The following CTIF variants were observed in gnomAD, a reference collection of about 807,000 sequenced individuals.
CTIF encodes the protein cap binding complex dependent translation initiation factor.
A neutral mutation model predicts 66.0 loss-of-function variants in CTIF; 21 were observed. The observed-to-expected ratio is 0.32, with a 90% CI of 0.23 to 0.46. The LOEUF is 0.46. Ranked by LOEUF, CTIF falls within the 20% of genes least tolerant of loss-of-function variation. CTIF has a pLI of 1.00. For missense variants in CTIF, 739 were observed against 812.7 expected (o/e 0.91, Z 1.10); for synonymous variants, 345 against 326.4 (o/e 1.06, Z -0.62).
At chr18:48,750,662 T>TGGCC (rs1329798038) in intron 7 of CTIF, among the ~76,000 whole-genome samples, 1 of 152,204 alleles carries the variant, frequency 6.6e-6, no homozygotes, top group Non-Finnish European at 1.5e-5. Flanking sequence ...CAAGGCTGGC[T>TGGCC]GGCCGGATCT....
intron 7 of CTIF, among the ~76,000 whole-genome samples, chr18:48,720,986 C>T (rs545508635): frequency 8.5e-5 from 13 of 152,304 alleles, no homozygotes; most frequent in South Asian, 2.1e-4. Flanking sequence ...CACATCCACG[C>T]GGGGGACAAA....
intron 5 of CTIF, among the ~76,000 whole-genome samples, chr18:48,666,225 G>A (rs2091433203): frequency 6.6e-6 from 1 of 152,018 alleles, no homozygotes; most frequent in Admixed American, 6.5e-5. Context: ...TTTCACTTCA[G>A]GTCTAAGTAT....
intron 1 of CTIF, among the ~76,000 whole-genome samples, chr18:48,605,399 C>T (rs1598729377): frequency 6.6e-6 from 1 of 152,306 alleles, no homozygotes; most frequent in South Asian, 2.1e-4. Flanking sequence ...TATATCCCCT[C>T]CTTCTCCATG....
chr18:48,560,836 G>T (rs2089142184), intron 1 of CTIF, among the ~76,000 whole-genome samples: 1 of 152,220 alleles, frequency 6.6e-6, no homozygotes, highest in South Asian at 2.1e-4. Flanking sequence ...GCCTCCCAAA[G>T]TGCTGGGATT....
intron 1 of CTIF, among the ~76,000 whole-genome samples, chr18:48,608,074 C>T (rs1024374073): frequency 6.6e-6 from 1 of 152,098 alleles, no homozygotes; most frequent in South Asian, 2.1e-4. Flanking sequence ...AGGGGACTTT[C>T]GAACTCGGAT....
chr18:48,835,605 A>G (rs2068791384), intron 10 of CTIF, among the ~76,000 whole-genome samples: 1 of 152,216 alleles, frequency 6.6e-6, no homozygotes, highest in Non-Finnish European at 1.5e-5. Context: ...AGCACAGTGC[A>G]GAAGGGAGCC....
intron 1 of CTIF, among the ~76,000 whole-genome samples, chr18:48,548,587 G>T (rs1202707964): frequency 6.6e-6 from 1 of 152,234 alleles, no homozygotes; most frequent in Non-Finnish European, 1.5e-5. Context: ...CAGCAAGGTT[G>T]CATCAGATGG....
chr18:48,799,571 G>C (rs1056309350), intron 9 of CTIF, among the ~76,000 whole-genome samples: 2 of 152,008 alleles, frequency 1.3e-5, no homozygotes, highest in African/African-American at 4.8e-5. Flanking sequence ...TCCCATCCTA[G>C]ATGCCACCCT....
intron 7 of CTIF, among the ~76,000 whole-genome samples, chr18:48,744,380 C>T (rs980519823): frequency 2.0e-5 from 3 of 152,282 alleles, no homozygotes; most frequent in East Asian, 3.9e-4. Context: ...CATTTCTTCT[C>T]GAATGGCCTC....
At chr18:48,857,499 C>G in intron 10 of CTIF, 89 bp from the exon 11 acceptor site, 1 of 1,177,162 alleles carries the variant, frequency 8.5e-7, no homozygotes, top group Non-Finnish European at 1.2e-6. Context: ...AGGGCTGGGG[C>G]TGCAGGTCGG....
At chr18:48,822,545 T>C (rs912102781) in intron 10 of CTIF, among the ~76,000 whole-genome samples, 1 of 131,522 alleles carries the variant, frequency 7.6e-6, no homozygotes, top group Non-Finnish European at 1.6e-5. Context: ...CACACATTGT[T>C]TTATCCATTT....
intron 1 of CTIF, among the ~76,000 whole-genome samples, chr18:48,616,185 G>A (rs1260840784): frequency 2.0e-5 from 3 of 152,244 alleles, no homozygotes; most frequent in African/African-American, 7.2e-5. Context: ...GGTGTGCCAG[G>A]GAGCCCTTGA....
intron 3 of CTIF, among the ~76,000 whole-genome samples, chr18:48,652,930 C>T (rs537133695): frequency 1.0e-3 from 157 of 152,220 alleles, no homozygotes; most frequent in Non-Finnish European, 2.0e-3. Flanking sequence ...ATTCAACAGC[C>T]CTTCATGCTA....
intron 1 of CTIF, among the ~76,000 whole-genome samples, chr18:48,555,118 C>T (rs1042678461): frequency 4.6e-5 from 7 of 152,212 alleles, no homozygotes; most frequent in Admixed American, 1.3e-4. Flanking sequence ...AATGGGGACA[C>T]GGAATGGAAT....
chr18:48,822,863 G>A (rs946827863), intron 10 of CTIF, among the ~76,000 whole-genome samples: 1 of 152,070 alleles, frequency 6.6e-6, no homozygotes, highest in African/African-American at 2.4e-5. Context: ...ACAGGTATGA[G>A]GTGATATCTC....
At chr18:48,857,102 G>A (rs1430068104) in intron 10 of CTIF, among the ~76,000 whole-genome samples, 1 of 152,192 alleles carries the variant, frequency 6.6e-6, no homozygotes, top group Admixed American at 6.5e-5. Flanking sequence ...GGCCAGTGGA[G>A]AAGAGGGCTT....
intron 10 of CTIF, among the ~76,000 whole-genome samples, chr18:48,833,384 A>G (rs2068737138): frequency 1.3e-5 from 2 of 151,960 alleles, no homozygotes; most frequent in African/African-American, 4.8e-5. Flanking sequence ...GCTGATGCGG[A>G]GAAGTGGATG....
chr18:48,749,239 C>T (rs1410779808), intron 7 of CTIF, among the ~76,000 whole-genome samples: 1 of 152,172 alleles, frequency 6.6e-6, no homozygotes, highest in Non-Finnish European at 1.5e-5. Context: ...AGCTAAGGCC[C>T]ATCAGCCAGG....
intron 10 of CTIF, among the ~76,000 whole-genome samples, chr18:48,854,018 C>T (rs771725965): frequency 6.6e-6 from 1 of 152,192 alleles, no homozygotes; most frequent in Non-Finnish European, 1.5e-5. Context: ...ACCTTCTACC[C>T]TTCCTTTTAA....
Sources: allele counts gnomAD v4.1 joint callset (sites outside exome capture counted in the v4.1 genomes callset), GRCh38; gene constraint gnomAD v4.1.1; transcripts MANE v1.5; gene names NCBI Gene and HGNC (gene_info 2026-07-23, HGNC 2026-07-21).